MOCS2: variants seen among roughly 807,000 people sequenced by gnomAD.
The protein encoded by MOCS2 is molybdopterin synthase catalytic subunit.
Under a neutral mutation model 21.9 loss-of-function variants are expected in MOCS2, and 13 were observed. The observed-to-expected ratio is 0.59, with a 90% confidence interval of 0.39 to 0.94. The LOEUF (loss-of-function observed/expected upper bound fraction) is 0.94, where lower values mean the gene tolerates loss of function less well. MOCS2 is among the 40% of genes least tolerant of loss of function. The pLI is 0.00. For synonymous variants in MOCS2, 92 were observed against 80.8 expected (o/e 1.14, Z -0.74); for missense variants, 227 against 218.3 (o/e 1.04, Z -0.25).
Position 53,098,469 on chromosome 5 carries a change from C to T in MOCS2, c.*133G>A. On this transcript the variant is annotated 3_prime_UTR_variant, in exon 7 of 7. Coordinates refer to ENST00000396954, the MANE Select transcript of MOCS2 (RefSeq NM_004531.5). ...TACCCATTTATCTTGCTTCCTTTTT[C>T]TCCCTTTTGTCCCACTAGTATAAGA... The T allele has an allele frequency of 2.6e-6, 2 of 765,854 alleles. No homozygotes were observed. Among genetic ancestry groups the T allele is most frequent in the Admixed American group, 2.1e-5 (1 of 47,326 alleles). The allele number at this position is 765,854 out of a possible 1,614,324, so 47.4% of individuals were successfully genotyped here.
intron 3 of MOCS2, 98 bp from the exon 4 acceptor site, chr5:53,102,322 G>T: frequency 8.2e-7 from 1 of 1,220,668 alleles, no homozygotes; most frequent in Non-Finnish European, 1.2e-6. Context: ...TCTACATTAT[G>T]TCGATGTAAA....
At chr5:53,099,202 G>A (rs1427771459) in intron 6 of MOCS2, among the ~76,000 whole-genome samples, 1 of 152,172 alleles carries the variant, frequency 6.6e-6, no homozygotes, top group Non-Finnish European at 1.5e-5. Context: ...ACTGTCCTCT[G>A]AACTCCTGCA....
chr5:53,109,477 G>A lies in MOCS2; in HGVS notation c.-396C>T. 1 of 1,318,336 alleles carries A rather than the reference G, an allele frequency of 7.6e-7. No homozygotes were observed. Among genetic ancestry groups the A allele is most frequent in the Non-Finnish European group, 9.7e-7 (1 of 1,035,672 alleles). 81.7% of individuals were successfully genotyped at this position (1,318,336 alleles called of 1,614,324 possible). A position where few individuals can be genotyped will look rare whatever the true frequency, so the allele number is the denominator to read the frequency against. ...GAGTCCGTCCTTGCTGCCGTGAGCT[G>A]ACAAGAGTTCTCGGAGAGGACCCGA... On this transcript the variant is annotated 5_prime_UTR_variant, in exon 1 of 7. Transcript: ENST00000396954.
At chr5:53,100,268 A>G in intron 6 of MOCS2, 143 bp downstream of exon 6, 1 of 948,666 alleles carries the variant, frequency 1.1e-6, no homozygotes, top group South Asian at 1.5e-5. Flanking sequence ...ATGCTTAACA[A>G]ATCTTGGAAA....
intron 2 of MOCS2, chr5:53,107,422 G>A (rs1265512364): frequency 1.8e-6 from 1 of 564,070 alleles, no homozygotes; most frequent in African/African-American, 1.9e-5. Context: ...ACGTTAAACT[G>A]CTGTCAACTC....
rs1246555304 is a variant in MOCS2 at position 53,102,154 on chromosome 5, C to A, written c.169G>T (p.Asp57Tyr). ...GAAATCACCAACTGTGAGACTTCAT[C>A]TACTGAAAGTTTCTCGGCAGTAAAG... ...INFTAEKLSV[D>Y]EVSQLVISPL... The change falls in exon 4 of 7, where the codon GAT becomes TAT. Residue 57 changes from aspartate to tyrosine, a missense_variant. By Grantham distance (160) the Asp-to-Tyr change is radical. Coordinates refer to ENST00000396954, the MANE Select transcript of MOCS2 (RefSeq NM_004531.5). 1.5e-5 allele frequency: 25 copies of A among 1,613,508 alleles called. No homozygotes were observed. Among genetic ancestry groups the A allele is most frequent in the Non-Finnish European group, 2.1e-5 (25 of 1,179,580 alleles).
chr5:53,102,105 A>G lies in MOCS2; in HGVS notation c.218T>C (p.Leu73Pro). 6.2e-7 allele frequency: 1 copy of G among 1,613,730 alleles called. No individual in the cohort carries two copies. Among genetic ancestry groups the G allele is most frequent in the Non-Finnish European group, 8.5e-7 (1 of 1,179,742 alleles). The change falls in exon 4 of 7, where the codon CTA (leucine) becomes CCA (proline). Residue 73 changes from leucine to proline, a missense_variant. Physicochemically the swap from Leu to Pro is moderately conservative, Grantham distance 98 (BLOSUM62 -3). Transcript: ENST00000396954. ...TGAAAATTACAACTCACCTACAAAT[A>G]GGGATATTGCACCACAGAGCGGAGA... is the stretch of plus-strand genomic sequence containing the variant. ...VISPLCGAIS[L>P]FVGTTRNNFE...
chr5:53,098,690 G>A (rs778373914), intron 6 of MOCS2, 23 bp from the exon 7 acceptor site: 90 of 1,550,172 alleles, frequency 5.8e-5, no homozygotes, highest in Non-Finnish European at 7.7e-5. Flanking sequence ...ATCATAACAG[G>A]TATTAAAAAT....
chr5:53,109,685 G>C lies in MOCS2; in HGVS notation c.-604C>G. 1 of 1,552,258 alleles carries C rather than the reference G, an allele frequency of 6.4e-7. No homozygotes were observed. The highest frequency in any genetic ancestry group is 8.7e-7 in the Non-Finnish European group (1 of 1,147,862). ...ACGTCGAGGAGGGCTCCGCACCCAG[G>C]CCCGCACGCACACCCGCCACCCTTA... On this transcript the variant is annotated 5_prime_UTR_variant, in exon 1 of 7. Transcript: ENST00000396954.
chr5:53,098,559 A>T lies in MOCS2; in HGVS notation c.*43T>A. On this transcript the variant is annotated 3_prime_UTR_variant, in exon 7 of 7. Transcript: ENST00000396954. ...AAATCAAAATGTGATCAATAATAAT[A>T]GTTTAACAAAGTTAAGATTGCATGC... 2 of 1,517,720 alleles carry T rather than the reference A, an allele frequency of 1.3e-6. No homozygotes were observed. The highest frequency in any genetic ancestry group is 1.1e-5 in the South Asian group (1 of 89,106). The allele number at this position is 1,517,720 out of a possible 1,614,324, so 94.0% of individuals were successfully genotyped here.
At chr5:53,102,608 T>C (rs1715054506) in intron 3 of MOCS2, among the ~76,000 whole-genome samples, 1 of 140,290 alleles carries the variant, frequency 7.1e-6, no homozygotes, top group African/African-American at 2.6e-5. Flanking sequence ...GTGTCCAGCA[T>C]ATGGACTTTA....
intron 1 of MOCS2, 22 bp from the exon 2 acceptor site, chr5:53,108,665 T>C (rs1275550211): frequency 6.2e-7 from 1 of 1,610,220 alleles, no homozygotes; most frequent in East Asian, 2.2e-5. Context: ...GAAAATGCTT[T>C]TAATAACAAC....
chr5:53,102,201 T>C lies in MOCS2; in HGVS notation c.122A>G (p.Glu41Gly), dbSNP rs1241903743. The C allele has an allele frequency of 6.2e-7, 1 of 1,612,316 alleles. No homozygotes were observed. The change falls in exon 4 of 7, where the codon GAG becomes GGG. Residue 41 changes from glutamate (E) to glycine (G), a missense_variant. By Grantham distance (98) the Glu-to-Gly change is moderately conservative. Coordinates refer to ENST00000396954, the MANE Select transcript of MOCS2 (RefSeq NM_004531.5). ...PSRKDMDEVE[E>G]KSKDVINFTA... The stretch of plus-strand genomic sequence containing the variant: ...AAAGTTTATAACATCTTTAGATTTC[T>C]CTTCAACTTCATCCATATCTTTCCT...
At chr5:53,101,336 T>C in intron 5 of MOCS2, 23 bp downstream of exon 5, 1 of 1,611,422 alleles carries the variant, frequency 6.2e-7, no homozygotes, top group South Asian at 1.1e-5. Context: ...ACTTAACTTT[T>C]AGAGTGATAA....
chr5:53,108,017 G>T (rs938541077), intron 2 of MOCS2: 2 of 153,358 alleles, frequency 1.3e-5, no homozygotes, highest in Admixed American at 6.5e-5. Flanking sequence ...GTTCCAAAAA[G>T]AACTTGAAGT....
Position 53,095,956 on chromosome 5 carries a change from A to G in MOCS2, c.*2646T>C, listed in dbSNP as rs768849432. 2 of 152,204 alleles carry G rather than the reference A, an allele frequency of 1.3e-5. No homozygotes were observed. The highest frequency in any genetic ancestry group is 2.9e-5 in the Non-Finnish European group (2 of 68,032). 9.4% of individuals were successfully genotyped at this position (152,204 alleles called of 1,614,324 possible). On this transcript the variant is annotated 3_prime_UTR_variant, in exon 7 of 7. Coordinates refer to ENST00000396954, the MANE Select transcript of MOCS2 (RefSeq NM_004531.5). ...AATTAAAGATTGGACATCATCTTAC[A>G]TAAAATCAGGGCCTAATTTTCATTT...
chr5:53,101,481 T>C lies in MOCS2; in HGVS notation c.255A>G (p.Lys85=), dbSNP rs2233216. The C allele has an allele frequency of 0.035, 56,122 of 1,607,216 alleles. 1,139 individuals carry two copies. The highest frequency in any genetic ancestry group is 0.085 in the East Asian group (3,787 of 44,768). Reference sequence around the variant, plus strand: ...CTTCATATTCTAAGCTAATGACTTTTTTCCCTTCAAAGTTATTTCTTGTAG... The same window carrying C: ...CTTCATATTCTAAGCTAATGACTTTCTTCCCTTCAAAGTTATTTCTTGTAG... ...VGTTRNNFEG[K]KVISLEYEAY... Residue 85 remains lysine, a synonymous_variant, in exon 5 of 7, where the codon AAA becomes AAG. Coordinates refer to ENST00000396954, the MANE Select transcript of MOCS2 (RefSeq NM_004531.5).
intron 3 of MOCS2, among the ~76,000 whole-genome samples, chr5:53,104,573 T>C (rs1413914627): frequency 6.6e-6 from 1 of 152,114 alleles, no homozygotes; most frequent in African/African-American, 2.4e-5. Flanking sequence ...CTAAATAGCA[T>C]TGAGATACAT....
intron 5 of MOCS2, 132 bp downstream of exon 5, chr5:53,101,227 T>A (rs967116640): frequency 9.9e-7 from 1 of 1,009,504 alleles, no homozygotes; most frequent in African/African-American, 1.6e-5. Context: ...ATCCCTATTG[T>A]CCTCCAAAAA....
Sources: gnomAD v4.1 joint callset for allele counts (sites outside exome capture counted in the v4.1 genomes callset) on GRCh38, gnomAD v4.1.1 for gene constraint, MANE v1.5 for transcripts, NCBI Gene and HGNC (gene_info 2026-07-23, HGNC 2026-07-21) for gene names.